The following NCOR2 variants were observed in gnomAD, a reference collection of about 807,000 sequenced individuals.
NCOR2 encodes the protein CTG repeat protein 26.
NCOR2 carries 81 observed loss-of-function variants against 262.9 expected under a neutral mutation model. The ratio of observed to expected loss-of-function variants is 0.31; its 90% CI spans 0.26 to 0.37. The LOEUF (loss-of-function observed/expected upper bound fraction) is 0.37, where lower values mean the gene tolerates loss of function less well. Ranked by LOEUF, NCOR2 falls within the 10% of genes least tolerant of loss-of-function variation. The probability of loss-of-function intolerance (pLI) is 1.00; values close to 1 mark genes in which losing one functional copy is unlikely to be tolerated. For missense variants in NCOR2, 3,385 were observed against 3,621.4 expected (o/e 0.93, Z 1.68); for synonymous variants, 1,659 against 1,559.3 (o/e 1.06, Z -1.51).
At chr12:124,408,081 G>A (rs145102855) in intron 13 of NCOR2, among the ~76,000 whole-genome samples, 3 of 152,146 alleles carry the variant, frequency 2.0e-5, no homozygotes, top group South Asian at 2.1e-4. Flanking sequence ...GTGGCGGGGC[G>A]CGGTGGCTCA....
At chr12:124,373,367 GAGGC>G (rs1375822167) in intron 19 of NCOR2, among the ~76,000 whole-genome samples, 23 of 89,452 alleles carry the variant, frequency 2.6e-4, no homozygotes, top group African/African-American at 7.2e-4. Context: ...GGACAATCAT[GAGGC>G]CAGTGCGTGT....
intron 6 of NCOR2, among the ~76,000 whole-genome samples, chr12:124,453,072 G>C (rs573364367): frequency 2.0e-5 from 3 of 152,150 alleles, no homozygotes; most frequent in African/African-American, 4.8e-5. Flanking sequence ...AGAAGGGAGT[G>C]GGGGGAGGGA....
At chr12:124,361,913 G>A (rs755719971) in intron 22 of NCOR2, among the ~76,000 whole-genome samples, 17 of 152,244 alleles carry the variant, frequency 1.1e-4, no homozygotes, top group Non-Finnish European at 2.1e-4. Flanking sequence ...AGGCCAATAC[G>A]TGCCCACTTT....
chr12:124,387,722 C>T (rs926591516), intron 16 of NCOR2, among the ~76,000 whole-genome samples: 4 of 152,256 alleles, frequency 2.6e-5, no homozygotes, highest in African/African-American at 4.8e-5. Context: ...CCTCCGCCCG[C>T]GCCAGCAGCA....
At position 124,432,923 on chromosome 12, in the gene NCOR2, C is replaced by T. The variant is rs1030585755; in HGVS notation, c.883-2136G>A. On this transcript the variant is annotated intron_variant, in intron 8 of 46. Coordinates refer to ENST00000405201, the Ensembl canonical transcript of NCOR2. This position sits in a 1 kb window ranked among gnomAD's most constrained non-coding sequence, Gnocchi z 5.1. Reference sequence around the variant, plus strand: ...CGAGCCACCCACACAACCCCAGTTACTCCACCTCTAACAGCTGGGGGTGGA... The same window carrying T: ...CGAGCCACCCACACAACCCCAGTTATTCCACCTCTAACAGCTGGGGGTGGA... 6.6e-6 allele frequency among the ~76,000 whole-genome samples: 1 copy of T among 152,196 alleles called. No homozygotes were observed. Among genetic ancestry groups the T allele is most frequent in the African/African-American group, 2.4e-5 (1 of 41,454 alleles).
intron 22 of NCOR2, among the ~76,000 whole-genome samples, chr12:124,361,746 T>C (rs577792769): frequency 1.3e-5 from 2 of 152,236 alleles, no homozygotes; most frequent in Non-Finnish European, 2.9e-5. Context: ...GGCTGGGCTG[T>C]AGACATGTTT....
intron 13 of NCOR2, among the ~76,000 whole-genome samples, chr12:124,404,209 G>A (rs1281900312): frequency 6.6e-6 from 1 of 152,244 alleles, no homozygotes; most frequent in East Asian, 1.9e-4. Context: ...GGGACCCGGG[G>A]AGGGAGGAGT....
At chr12:124,336,527 A>G in intron 38 of NCOR2, 1 of 1,274,800 alleles carries the variant, frequency 7.8e-7, no homozygotes, top group East Asian at 3.1e-5. Context: ...GATGGGCTTC[A>G]AAACAAAATA....
rs1186888834 is a variant in NCOR2 at position 124,483,513 on chromosome 12, C to T, written c.411+83G>A. ...GCCCGAGCTGCCCCCTCCCTGCACC[C>T]CTACCCACCACCTCCCACCCAGCCC... On this transcript the variant is annotated intron_variant, in intron 3 of 46. Transcript: ENST00000405201. This position sits in a 1 kb window ranked among gnomAD's most constrained non-coding sequence, Gnocchi z 6.3. 6 of 1,404,412 alleles carry T rather than the reference C, an allele frequency of 4.3e-6. No individual in the cohort carries two copies. Among genetic ancestry groups the T allele is most frequent in the Admixed American group, 2.8e-5 (1 of 36,038 alleles). 87.0% of individuals were successfully genotyped at this position (1,404,412 alleles called of 1,614,324 possible).
At chr12:124,467,088 A>C (rs190144451) in intron 4 of NCOR2, among the ~76,000 whole-genome samples, 8 of 97,564 alleles carry the variant, frequency 8.2e-5, no homozygotes, top group African/African-American at 1.3e-4. Flanking sequence ...CTTCATCCTC[A>C]TCACCCTCAT....
chr12:124,334,531 G>A, exon 41 of NCOR2: 2 of 1,432,696 alleles, frequency 1.4e-6, no homozygotes, highest in Admixed American at 6.0e-5. Flanking sequence ...CGGGGCAGCT[G>A]GCCCCAGGGA....
intron 6 of NCOR2, among the ~76,000 whole-genome samples, chr12:124,452,515 C>T (rs775333167): frequency 1.3e-5 from 2 of 152,136 alleles, no homozygotes; most frequent in Admixed American, 6.5e-5. Flanking sequence ...ACCTACTTCA[C>T]GGAAATTTTG....
intron 12 of NCOR2, 103 bp downstream of exon 14, chr12:124,422,389 GGGCCAGGCA>G: frequency 7.9e-7 from 1 of 1,271,408 alleles, no homozygotes; most frequent in Non-Finnish European, 1.1e-6. Context: ...CTGGAGCAAG[GGGCCAGGCA>G]GGCCAGGGCC....
chr12:124,387,615 G>A (rs886845120), intron 16 of NCOR2, among the ~76,000 whole-genome samples: 7 of 152,204 alleles, frequency 4.6e-5, no homozygotes, highest in South Asian at 2.1e-4. Context: ...TGGGAGCCAC[G>A]TGGCCTCACA....
chr12:124,347,842 C>T lies in NCOR2; in HGVS notation c.4055G>A (p.Arg1352His), dbSNP rs36081651. Residue 1352 changes from arginine to histidine, a missense_variant, in exon 30 of 47, where the codon CGC (arginine) becomes CAC (histidine). Transcript: ENST00000405201. ...GGCAGTACCTTGTGTGATGGACCCG[C>T]GGATGTGGTGCTGCTCTTTGAGGTG... is the stretch of plus-strand genomic sequence containing the variant. The T allele has an allele frequency of 6.8e-3, 10,705 of 1,566,400 alleles. 61 individuals are homozygous for T. Among genetic ancestry groups the T allele is most frequent in the Non-Finnish European group, 8.2e-3 (9,470 of 1,154,732 alleles).
chr12:124,418,141 G>C (rs1442002727), intron 13 of NCOR2, among the ~76,000 whole-genome samples: 1 of 151,966 alleles, frequency 6.6e-6, no homozygotes, highest in Non-Finnish European at 1.5e-5. Flanking sequence ...GTGCCACTCG[G>C]CCTTGGTTTT....
intron 13 of NCOR2, among the ~76,000 whole-genome samples, chr12:124,406,748 G>A (rs11836223): frequency 0.022 from 3,390 of 152,210 alleles, 115 homozygotes; most frequent in African/African-American, 0.066. Flanking sequence ...AGAGCCACTG[G>A]CCCAAAGCCC....
rs371009155 is a variant in NCOR2, at chr12:124,545,741, G to A, written c.-164-10130C>T. On this transcript the variant is annotated intron_variant, in intron 1 of 32. Transcript: ENST00000458234. ...CCACATACTCCACAGAGTGAGCCAC[G>A]CTGCTTCCCTGCGCCGCCCCGTGCT... Among the ~76,000 whole-genome samples, 21 of 152,128 alleles carry A rather than the reference G, an allele frequency of 1.4e-4. 1 individual carries two copies. In the South Asian group the frequency reaches 3.5e-3, roughly 26 times the overall value.
chr12:124,401,209 TCA>T (rs2041968230), intron 14 of NCOR2, among the ~76,000 whole-genome samples: 1 of 111,018 alleles, frequency 9.0e-6, no homozygotes. Context: ...AGACCCTGTC[TCA>T]AAAAAAAAAA....
Sources: allele counts gnomAD v4.1 joint callset (sites outside exome capture counted in the v4.1 genomes callset), GRCh38; gene constraint gnomAD v4.1.1; non-coding constraint Gnocchi (gnomAD v3.1); transcripts MANE v1.5; gene names NCBI Gene and HGNC (gene_info 2026-07-23, HGNC 2026-07-21).